The following BCR variants were observed in gnomAD, a reference collection of about 807,000 sequenced individuals.
BCR encodes breakpoint cluster region protein.
A neutral mutation model predicts 138.6 loss-of-function variants in BCR; 58 were observed. That is an observed-to-expected ratio of 0.42 (90% CI 0.34 to 0.52). The LOEUF is 0.52. BCR is among the 20% of genes least tolerant of loss of function. The pLI is 0.06. For synonymous variants in BCR, 786 were observed against 730.1 expected (o/e 1.08, Z -1.23); for missense variants, 1,599 against 1,727.2 (o/e 0.93, Z 1.32).
At position 23,182,043 on chromosome 22, in the gene BCR, C is replaced by T. The variant is rs773260605; in HGVS notation, c.1083C>T (p.Arg361=). 1.2e-6 allele frequency: 2 copies of T among 1,613,706 alleles called. No homozygotes were observed. The highest frequency in any genetic ancestry group is 2.2e-5 in the South Asian group (2 of 91,078). The change falls in exon 1 of 23, where the codon CGC becomes CGT. Residue 361 remains arginine, a synonymous_variant. Coordinates refer to ENST00000305877, the MANE Select transcript of BCR (RefSeq NM_004327.4). ...TGTCCCCAAGCCCCACCACCTACCG[C>T]ATGTTCCGGGACAAAAGCCGCTCTC... The part of the protein sequence containing the change: ...SRVSPSPTTY[R]MFRDKSRSPS...
Position 23,253,914 on chromosome 22 carries a change from C to T in BCR, c.1395C>T (p.His465=). 1 of 1,613,228 alleles carries T rather than the reference C, an allele frequency of 6.2e-7. No homozygotes were observed. The highest frequency in any genetic ancestry group is 8.5e-7 in the Non-Finnish European group (1 of 1,179,990). The change falls in exon 2 of 23, where the codon CAC becomes CAT. Residue 465 remains histidine (H), a synonymous_variant. Transcript: ENST00000305877. ...ATGACTCGCCCTCCTCATCGCCCCA[C>T]CTCAGCAGCAAGGGCAGGGGCAGCC... ...YIDDSPSSSP[H]LSSKGRGSRD...
chr22:23,216,588 C>T (rs981864397), intron 1 of BCR, among the ~76,000 whole-genome samples: 13 of 152,256 alleles, frequency 8.5e-5, no homozygotes, highest in Admixed American at 2.6e-4. Flanking sequence ...TCAGTCATCT[C>T]TTGTTCGGTA....
chr22:23,220,638 T>G (rs528889168), intron 1 of BCR, among the ~76,000 whole-genome samples: 1 of 152,274 alleles, frequency 6.6e-6, no homozygotes, highest in Admixed American at 6.5e-5. Context: ...ACTGTATACT[T>G]GGTGTTTCAT....
At chr22:23,315,158 A>G (rs749789487) in intron 22 of BCR, among the ~76,000 whole-genome samples, 9 of 152,114 alleles carry the variant, frequency 5.9e-5, no homozygotes, top group Non-Finnish European at 7.4e-5. Flanking sequence ...CAGGAGTTAG[A>G]GGCTGCAGTG....
intron 5 of BCR, among the ~76,000 whole-genome samples, 167 bp from the exon 6 acceptor site, chr22:23,271,365 G>A (rs1474584607): frequency 2.0e-5 from 3 of 152,214 alleles, no homozygotes; most frequent in African/African-American, 4.8e-5. Flanking sequence ...CTGCGTGCTC[G>A]GCTTGCTCGT....
intron 1 of BCR, among the ~76,000 whole-genome samples, chr22:23,220,459 T>C (rs1039755325): frequency 6.6e-6 from 1 of 152,200 alleles, no homozygotes; most frequent in African/African-American, 2.4e-5. Flanking sequence ...AGCATTTGCT[T>C]CCAGGTTGGG....
Position 23,196,522 on chromosome 22 carries a change from C to T in BCR, c.1279+14283C>T, listed in dbSNP as rs75617769. Among the ~76,000 whole-genome samples the T allele has an allele frequency of 5.2e-3, 796 of 152,256 alleles. 5 individuals are homozygous for T. Among genetic ancestry groups the T allele is most frequent in the African/African-American group, 0.018 (760 of 41,538 alleles). ...TGAAGCATTCAGTATAGTCGTCTCT[C>T]GATATCCGCAGGAAATTGGTTCCAG... On this transcript the variant is annotated intron_variant, in intron 1 of 22. Transcript: ENST00000305877.
intron 1 of BCR, among the ~76,000 whole-genome samples, chr22:23,226,643 A>C (rs970325899): frequency 1.3e-5 from 2 of 152,188 alleles, no homozygotes; most frequent in Non-Finnish European, 2.9e-5. Context: ...TTTTATTGGA[A>C]CACAGCTTGC....
At chr22:23,276,006 A>G (rs2073571523) in intron 8 of BCR, among the ~76,000 whole-genome samples, 1 of 152,066 alleles carries the variant, frequency 6.6e-6, no homozygotes, top group Non-Finnish European at 1.5e-5. Flanking sequence ...AGAAGTTGAC[A>G]CCTAGGCCCT....
intron 1 of BCR, among the ~76,000 whole-genome samples, chr22:23,182,469 A>C (rs1176810975): frequency 6.6e-6 from 1 of 152,164 alleles, no homozygotes; most frequent in Non-Finnish European, 1.5e-5. Flanking sequence ...TGGTCTTGTG[A>C]GGGATGGGAG....
At chr22:23,290,138 T>C in intron 13 of BCR, 1 of 653,840 alleles carries the variant, frequency 1.5e-6, no homozygotes, top group Non-Finnish European at 2.8e-6. Flanking sequence ...GCCTGTATTG[T>C]GAAACCAGCT....
At chr22:23,266,958 G>A (rs2073449846) in intron 4 of BCR, among the ~76,000 whole-genome samples, 1 of 152,114 alleles carries the variant, frequency 6.6e-6, no homozygotes, top group South Asian at 2.1e-4. Flanking sequence ...CTGCTGAGCT[G>A]TCACCTCTTC....
chr22:23,312,891 C>T lies in BCR; in HGVS notation c.3327C>T (p.Asn1109=), dbSNP rs2074023946. ...GCATTTCCGTGCTCTTTCCAGATAA[C>T]AAGGACGTGTCGGTGATGATGAGCG... The part of the protein sequence containing the change: ...QALKAAFDVN[N]KDVSVMMSEM... The change falls in exon 20 of 23, where the codon AAC becomes AAT. Residue 1109 remains asparagine, a synonymous_variant. Transcript: ENST00000305877. 2 of 1,596,178 alleles carry T rather than the reference C, an allele frequency of 1.3e-6. No individual in the cohort carries two copies. Among genetic ancestry groups the T allele is most frequent in the Non-Finnish European group, 8.5e-7 (1 of 1,178,728 alleles).
intron 1 of BCR, among the ~76,000 whole-genome samples, chr22:23,234,487 G>A (rs2073000023): frequency 6.6e-6 from 1 of 152,158 alleles, no homozygotes; most frequent in Non-Finnish European, 1.5e-5. Flanking sequence ...CCTGGACATG[G>A]GCTGTAGCGT....
At chr22:23,224,847 A>G (rs972525997) in intron 1 of BCR, among the ~76,000 whole-genome samples, 2 of 152,070 alleles carry the variant, frequency 1.3e-5, no homozygotes, top group Non-Finnish European at 2.9e-5. Context: ...ACGCCACTGC[A>G]CTCCATCCTG....
intron 21 of BCR, 38 bp downstream of exon 21, chr22:23,314,111 T>C (rs1602137958): frequency 1.3e-6 from 2 of 1,542,118 alleles, no homozygotes. Context: ...GGGCTCCAGG[T>C]CCCCAGGCCG....
intron 1 of BCR, among the ~76,000 whole-genome samples, chr22:23,250,400 C>T (rs529458361): frequency 4.4e-4 from 67 of 152,300 alleles, no homozygotes; most frequent in Non-Finnish European, 8.5e-4. Context: ...TTGTTTTAGA[C>T]GTTTCGCAGC....
At chr22:23,189,224 T>G (rs1351904979) in intron 1 of BCR, among the ~76,000 whole-genome samples, 1 of 152,150 alleles carries the variant, frequency 6.6e-6, no homozygotes, top group Non-Finnish European at 1.5e-5. Flanking sequence ...TGGCATTAAG[T>G]ACATCACCTT....
At chr22:23,231,598 C>T (rs2072959584) in intron 1 of BCR, among the ~76,000 whole-genome samples, 1 of 152,142 alleles carries the variant, frequency 6.6e-6, no homozygotes, top group Admixed American at 6.5e-5. Context: ...TGTTAAAAGG[C>T]CCATGGACTT....
Sources: allele counts gnomAD v4.1 joint callset (sites outside exome capture counted in the v4.1 genomes callset), GRCh38; gene constraint gnomAD v4.1.1; transcripts MANE v1.5; gene names NCBI Gene and HGNC (gene_info 2026-07-23, HGNC 2026-07-21).